FAS: variants seen among roughly 807,000 people sequenced by gnomAD.
FAS encodes the protein tumor necrosis factor receptor superfamily member 6.
Under a neutral mutation model 33.2 loss-of-function variants are expected in FAS, and 5 were observed. The ratio of observed to expected loss-of-function variants is 0.15; its 90% CI spans 0.08 to 0.32. The LOEUF (loss-of-function observed/expected upper bound fraction) is 0.32, where lower values mean the gene tolerates loss of function less well. Among genes scored for constraint, FAS ranks in the 10% least tolerant of loss-of-function variants. FAS has a pLI of 1.00. For missense variants in FAS, 339 were observed against 386.0 expected (o/e 0.88, Z 1.02); for synonymous variants, 131 against 130.7 (o/e 1.00, Z -0.01).
intron 4 of FAS, among the ~76,000 whole-genome samples, chr10:89,009,653 T>C (rs1371929156): frequency 6.6e-6 from 1 of 152,094 alleles, no homozygotes; most frequent in Non-Finnish European, 1.5e-5. Flanking sequence ...CTTTTAGGAG[T>C]TCATCTAATA....
At chr10:89,004,101 G>A (rs772347157) in intron 2 of FAS, among the ~76,000 whole-genome samples, 3 of 152,096 alleles carry the variant, frequency 2.0e-5, no homozygotes, top group Non-Finnish European at 4.4e-5. Context: ...AAAGAATGGC[G>A]TCCTGGCTTT....
At chr10:88,986,899 A>G (rs542767073), upstream of FAS, among the ~76,000 whole-genome samples, 15 of 151,902 alleles carry the variant, frequency 9.9e-5, no homozygotes, top group African/African-American at 3.6e-4. Context: ...AAAGCAATGT[A>G]AAAGTAAAAA....
intron 7 of FAS, chr10:89,012,478 T>C (rs989427475): frequency 1.8e-5 from 4 of 217,986 alleles, no homozygotes; most frequent in African/African-American, 7.0e-5. Flanking sequence ...ACATCCGGCC[T>C]GTTACTTTCT....
At chr10:88,991,049 C>CA (rs1420943196) in intron 1 of FAS, 143 bp downstream of exon 1, 1 of 1,106,614 alleles carries the variant, frequency 9.0e-7, no homozygotes, top group African/African-American at 1.5e-5. Flanking sequence ...CTGCGGGAGG[C>CA]GTTGGAGACT....
intron 2 of FAS, among the ~76,000 whole-genome samples, chr10:89,004,000 G>A (rs1308039677): frequency 2.6e-5 from 4 of 152,160 alleles, no homozygotes; most frequent in African/African-American, 9.7e-5. Context: ...TTCATGTCCA[G>A]ATTTTAATAA....
chr10:88,966,037 G>C (rs1477032762), intron 1 of FAS, among the ~76,000 whole-genome samples: 1 of 152,116 alleles, frequency 6.6e-6, no homozygotes, highest in Non-Finnish European at 1.5e-5. Flanking sequence ...TTAGGTTGGT[G>C]CAAAAGTAAT....
At chr10:88,985,190 A>G (rs988527995), upstream of FAS, among the ~76,000 whole-genome samples, 1 of 152,188 alleles carries the variant, frequency 6.6e-6, no homozygotes, top group African/African-American at 2.4e-5. Flanking sequence ...CAGGTGAGAA[A>G]ACTGATGCTG....
At chr10:88,973,255 CA>C in exon 2 of FAS, 1 of 1,612,418 alleles carries the variant, frequency 6.2e-7, no homozygotes, top group South Asian at 1.1e-5. Context: ...GGCTATGGAC[CA>C]AATGGATTCC....
At chr10:89,005,061 T>G (rs1848141960) in intron 2 of FAS, among the ~76,000 whole-genome samples, 1 of 152,036 alleles carries the variant, frequency 6.6e-6, no homozygotes. Flanking sequence ...AAAATGTTGT[T>G]GATGAATTTT....
chr10:88,999,672 T>C (rs1295963784), intron 1 of FAS, among the ~76,000 whole-genome samples: 1 of 152,204 alleles, frequency 6.6e-6, no homozygotes, highest in Non-Finnish European at 1.5e-5. Context: ...CCATGTCATC[T>C]CTAGAGGCAT....
intron 2 of FAS, among the ~76,000 whole-genome samples, chr10:88,977,153 A>C (rs1327085117): frequency 6.6e-6 from 1 of 151,898 alleles, no homozygotes; most frequent in Non-Finnish European, 1.5e-5. Context: ...GCTGTGCAGA[A>C]GCTCTGTAGT....
At chr10:88,995,617 T>C (rs773430205) in intron 1 of FAS, among the ~76,000 whole-genome samples, 21 of 152,026 alleles carry the variant, frequency 1.4e-4, no homozygotes, top group Admixed American at 4.6e-4. Flanking sequence ...CACTTGAGAT[T>C]AGGAGTTTGA....
chr10:88,992,909 C>T (rs1847341643), intron 1 of FAS, among the ~76,000 whole-genome samples: 1 of 152,152 alleles, frequency 6.6e-6, no homozygotes, highest in South Asian at 2.1e-4. Context: ...GCTTTTATGC[C>T]TTCACGGTTA....
In FAS at chr10:89,016,440, G is replaced by A. The variant is rs1188217508; in HGVS notation, c.*1990G>A. On this transcript the variant is annotated 3_prime_UTR_variant, in exon 9 of 9. Coordinates refer to ENST00000652046, the MANE Select transcript of FAS (RefSeq NM_000043.6). ...TACTAGTTATTCTTCATGGCCAGAAGTGCAAGTTCTACTTTGCAAGACAAG... is the reference window on the plus strand; with the variant it reads ...TACTAGTTATTCTTCATGGCCAGAAATGCAAGTTCTACTTTGCAAGACAAG... The A allele has an allele frequency of 1.3e-5, 3 of 222,576 alleles. No homozygotes were observed. The highest frequency in any genetic ancestry group is 5.8e-5 in the Admixed American group (1 of 17,340). 13.8% of individuals were successfully genotyped at this position (222,576 alleles called of 1,614,324 possible). A position where few individuals can be genotyped will look rare whatever the true frequency, so the allele number is the denominator to read the frequency against.
At chr10:89,000,657 C>G (rs968326354) in intron 1 of FAS, among the ~76,000 whole-genome samples, 1 of 152,016 alleles carries the variant, frequency 6.6e-6, no homozygotes, top group African/African-American at 2.4e-5. Context: ...TCTGGACCAC[C>G]GTTATACCCC....
chr10:88,969,454 C>A (rs1564656262), intron 1 of FAS, among the ~76,000 whole-genome samples: 1 of 152,188 alleles, frequency 6.6e-6, no homozygotes, highest in Middle Eastern at 3.2e-3. Flanking sequence ...GAAAGCATGC[C>A]CCCATTGGCA....
upstream of FAS, among the ~76,000 whole-genome samples, chr10:88,987,447 C>T (rs1846935858): frequency 6.6e-6 from 1 of 152,220 alleles, no homozygotes; most frequent in Non-Finnish European, 1.5e-5. Flanking sequence ...GATAGCTCTA[C>T]CAACCTTGAT....
intron 1 of FAS, among the ~76,000 whole-genome samples, chr10:88,997,910 T>C (rs976318146): frequency 2.0e-5 from 3 of 152,194 alleles, no homozygotes; most frequent in Non-Finnish European, 4.4e-5. Context: ...CTAGTTCATA[T>C]TGGCACCTGC....
intron 4 of FAS, 70 bp from the exon 5 acceptor site, chr10:89,010,469 A>C (rs1040137741): frequency 6.7e-5 from 87 of 1,290,130 alleles, no homozygotes; most frequent in Non-Finnish European, 8.7e-5. Context: ...TAATTTACAA[A>C]GTGCCATTGA....
Sources: gnomAD v4.1 joint callset for allele counts (sites outside exome capture counted in the v4.1 genomes callset) on GRCh38, gnomAD v4.1.1 for gene constraint, MANE v1.5 for transcripts, NCBI Gene and HGNC (gene_info 2026-07-23, HGNC 2026-07-21) for gene names.